TMEM87B: variants seen among roughly 807,000 people sequenced by gnomAD.
The protein encoded by TMEM87B is transmembrane protein 87B.
TMEM87B carries 83 observed loss-of-function variants against 80.3 expected under a neutral mutation model. That is an observed-to-expected ratio of 1.03 (90% confidence interval 0.87 to 1.24). The LOEUF (loss-of-function observed/expected upper bound fraction) is 1.24. Among genes scored for constraint, TMEM87B ranks in the 50% most tolerant of loss-of-function variants. The pLI is 0.00. For missense variants in TMEM87B, 625 were observed against 674.4 expected (o/e 0.93, Z 0.81); for synonymous variants, 219 against 230.5 (o/e 0.95, Z 0.45).
At chr2:112,097,553 C>T (rs962732366) in intron 13 of TMEM87B, among the ~76,000 whole-genome samples, 9 of 151,736 alleles carry the variant, frequency 5.9e-5, no homozygotes, top group African/African-American at 1.9e-4. Context: ...AGTGAAACCC[C>T]GTCTCTACTA....
At chr2:112,078,528 T>C (rs1678888868) in intron 6 of TMEM87B, among the ~76,000 whole-genome samples, 1 of 152,190 alleles carries the variant, frequency 6.6e-6, no homozygotes, top group South Asian at 2.1e-4. Flanking sequence ...CCCTCATGAC[T>C]TAATCACTTC....
At chr2:112,096,986 G>A in intron 11 of TMEM87B, 58 bp from the exon 12 acceptor site, 1 of 919,272 alleles carries the variant, frequency 1.1e-6, no homozygotes, top group Admixed American at 2.8e-5. Flanking sequence ...AGAAGATTCT[G>A]TTTTTTTTTT....
At chr2:112,095,187 T>TGC in intron 11 of TMEM87B, 3 of 704,960 alleles carry the variant, frequency 4.3e-6, no homozygotes, top group Non-Finnish European at 4.8e-6. Context: ...TTTTTTTTTT[T>TGC]TTTTTTTTTT....
At chr2:112,113,064 T>C in intron 18 of TMEM87B, 135 bp downstream of exon 18, 1 of 796,310 alleles carries the variant, frequency 1.3e-6, no homozygotes. Context: ...ATGAATTGAT[T>C]TGTGGGTAAA....
In TMEM87B at chr2:112,116,417, G is replaced by A; in HGVS notation, c.*274G>A. On this transcript the variant is annotated 3_prime_UTR_variant, in exon 19 of 19. Coordinates refer to ENST00000283206, the MANE Select transcript of TMEM87B (RefSeq NM_032824.3). ...ACAGATGCCTCTTAGCTGATAGGTG[G>A]CAGGCCTGTGGGTTTGGGTTCTCCC... The A allele has an allele frequency of 3.7e-6, 1 of 272,600 alleles. No individual in the cohort carries two copies. The highest frequency in any genetic ancestry group is 6.8e-6 in the Non-Finnish European group (1 of 146,904). The allele number at this position is 272,600 out of a possible 1,614,324, so 16.9% of individuals were successfully genotyped here.
At chr2:112,107,928 A>G in intron 17 of TMEM87B, 88 bp downstream of exon 17, 1 of 869,706 alleles carries the variant, frequency 1.1e-6, no homozygotes, top group Non-Finnish European at 1.8e-6. Flanking sequence ...GTGCTTTTCA[A>G]ACCTCGTACT....
At chr2:112,068,578 C>T (rs547708371) in intron 4 of TMEM87B, among the ~76,000 whole-genome samples, 47 of 151,948 alleles carry the variant, frequency 3.1e-4, no homozygotes, top group Admixed American at 9.8e-4. Context: ...GTGGCGGGCA[C>T]CTGTAGTCCC....
chr2:112,083,853 G>C (rs767543232), intron 8 of TMEM87B, among the ~76,000 whole-genome samples: 1 of 152,130 alleles, frequency 6.6e-6, no homozygotes, highest in Non-Finnish European at 1.5e-5. Flanking sequence ...ATGTGAGGCT[G>C]GCCAGGGTCG....
chr2:112,081,849 A>C (rs775160839), intron 8 of TMEM87B, among the ~76,000 whole-genome samples: 4 of 152,166 alleles, frequency 2.6e-5, no homozygotes, highest in African/African-American at 4.8e-5. Context: ...TCCTTTTAAC[A>C]TACTTCTCCT....
At chr2:112,083,938 A>T (rs1290505394) in intron 8 of TMEM87B, among the ~76,000 whole-genome samples, 1 of 152,214 alleles carries the variant, frequency 6.6e-6, no homozygotes, top group African/African-American at 2.4e-5. Context: ...GAGGCAAGAG[A>T]GTTGACATGC....
intron 18 of TMEM87B, 108 bp downstream of exon 18, chr2:112,113,037 A>G (rs947090493): frequency 1.9e-6 from 2 of 1,033,652 alleles, no homozygotes; most frequent in Non-Finnish European, 2.9e-6. Context: ...TATAAATTGA[A>G]CAGACAGAAA....
At chr2:112,057,086 T>C (rs1327358861) in intron 1 of TMEM87B, among the ~76,000 whole-genome samples, 5 of 152,236 alleles carry the variant, frequency 3.3e-5, no homozygotes, top group Non-Finnish European at 7.3e-5. Flanking sequence ...AAGAGAAGTT[T>C]GCTCCTTGAG....
Position 112,106,005 on chromosome 2 carries a change from A to C in TMEM87B, c.1454A>C (p.Glu485Ala), listed in dbSNP as rs1315159128. 1 of 1,566,686 alleles carries C rather than the reference A, an allele frequency of 6.4e-7. No homozygotes were observed. Among genetic ancestry groups the C allele is most frequent in the Non-Finnish European group, 8.6e-7 (1 of 1,162,442 alleles). The change falls in exon 16 of 19, where the codon GAA (glutamate) becomes GCA (alanine). Residue 485 changes from glutamate to alanine, a missense_variant. By Grantham distance (107) the Glu-to-Ala change is moderately radical. Transcript: ENST00000283206. ...EFMVTSENLTEGIKLRASKSV... is the reference protein window; with the variant it reads ...EFMVTSENLTAGIKLRASKSV... ...ATGTTTATAATGTCTCTCGTAGCCG[A>C]AGGAATAAAATTAAGAGCCTCAAAA... is the stretch of plus-strand genomic sequence containing the variant.
intron 14 of TMEM87B, among the ~76,000 whole-genome samples, chr2:112,100,228 G>A (rs550282171): frequency 2.6e-4 from 40 of 152,322 alleles, no homozygotes; most frequent in African/African-American, 9.4e-4. Context: ...CCTAGGAAAT[G>A]TGGCCCATTC....
chr2:112,110,821 C>T (rs1487251439), intron 17 of TMEM87B, among the ~76,000 whole-genome samples: 1 of 152,088 alleles, frequency 6.6e-6, no homozygotes, highest in Non-Finnish European at 1.5e-5. Flanking sequence ...TCATCCTTTC[C>T]TGAAAACAAT....
intron 17 of TMEM87B, among the ~76,000 whole-genome samples, chr2:112,108,137 T>G (rs1294553751): frequency 6.6e-6 from 1 of 152,304 alleles, no homozygotes; most frequent in East Asian, 1.9e-4. Context: ...ACGTCAAATG[T>G]ATGTAAACTT....
chr2:112,066,823 C>T (rs373636179), intron 3 of TMEM87B, 113 bp from the exon 4 acceptor site: 5 of 915,224 alleles, frequency 5.5e-6, no homozygotes, highest in East Asian at 3.0e-5. Context: ...TGCGTATTTC[C>T]AGGTATTTCA....
chr2:112,089,240 A>T (rs1205626495), intron 9 of TMEM87B, among the ~76,000 whole-genome samples: 1 of 152,242 alleles, frequency 6.6e-6, no homozygotes, highest in African/African-American at 2.4e-5. Context: ...GACAGACCTC[A>T]GGAAGAATTA....
chr2:112,103,704 T>G (rs1318236671), intron 15 of TMEM87B, among the ~76,000 whole-genome samples: 1 of 152,024 alleles, frequency 6.6e-6, no homozygotes, highest in African/African-American at 2.4e-5. Context: ...CTTTGTGGGG[T>G]GATGAAAATT....
Sources: allele counts gnomAD v4.1 joint callset (sites outside exome capture counted in the v4.1 genomes callset), GRCh38; gene constraint gnomAD v4.1.1; transcripts MANE v1.5; gene names NCBI Gene and HGNC (gene_info 2026-07-23, HGNC 2026-07-21).